The following BMPR1B variants were observed in gnomAD, a reference collection of about 807,000 sequenced individuals.
The protein encoded by BMPR1B is bone morphogenetic protein receptor type-1B.
BMPR1B carries 12 observed loss-of-function variants against 59.1 expected under a neutral mutation model. That is an observed-to-expected ratio of 0.20 (90% CI 0.13 to 0.33). The LOEUF is 0.33. Ranked by LOEUF, BMPR1B falls within the 10% of genes least tolerant of loss-of-function variation. The pLI, the probability that BMPR1B is intolerant of heterozygous loss-of-function variation, is 1.00. For synonymous variants in BMPR1B, 237 were observed against 207.3 expected (o/e 1.14, Z -1.23); for missense variants, 550 against 610.9 (o/e 0.90, Z 1.05).
chr4:95,117,300 A>T (rs981258669), intron 6 of BMPR1B, among the ~76,000 whole-genome samples: 9 of 152,194 alleles, frequency 5.9e-5, no homozygotes, highest in African/African-American at 2.2e-4. Flanking sequence ...TGTTCTTCCA[A>T]CTTTAAAGAT....
chr4:95,145,252 G>C (rs921585748), intron 10 of BMPR1B, among the ~76,000 whole-genome samples: 1 of 152,134 alleles, frequency 6.6e-6, no homozygotes, highest in African/African-American at 2.4e-5. Context: ...TTTATAATCT[G>C]ACTTCATATG....
chr4:94,802,065 T>C (rs1723429606), intron 1 of BMPR1B, among the ~76,000 whole-genome samples: 1 of 152,220 alleles, frequency 6.6e-6, no homozygotes, highest in Admixed American at 6.5e-5. Flanking sequence ...ATTTTGTTTA[T>C]TTTTAGCTGA....
rs1735266390 is a variant in BMPR1B at position 95,154,427 on chromosome 4, T to G, written c.1384-121T>G. ...AAGCTTACAGAATTTTACTTCTACA[T>G]GGTTTTAAGGGTACCTTTTAAAAAT... On this transcript the variant is annotated intron_variant, in intron 12 of 12. Coordinates refer to ENST00000515059, the MANE Select transcript of BMPR1B (RefSeq NM_001203.3). 3 of 1,377,684 alleles carry G rather than the reference T, an allele frequency of 2.2e-6. No homozygotes were observed. In the Admixed American group the frequency reaches 6.3e-5, roughly 29 times the overall value. 85.3% of individuals were successfully genotyped at this position (1,377,684 alleles called of 1,614,324 possible).
At chr4:95,096,864 CTA>C (rs573272946) in intron 3 of BMPR1B, among the ~76,000 whole-genome samples, 130 of 135,302 alleles carry the variant, frequency 9.6e-4, no homozygotes, top group African/African-American at 3.1e-3. Flanking sequence ...AAATATATAA[CTA>C]TAGTTATATA....
intron 3 of BMPR1B, among the ~76,000 whole-genome samples, chr4:95,079,603 GT>G (rs1260795641): frequency 6.6e-6 from 1 of 151,994 alleles, no homozygotes; most frequent in African/African-American, 2.4e-5. Flanking sequence ...AGAATTAACA[GT>G]TTTCTCTAGC....
intron 3 of BMPR1B, among the ~76,000 whole-genome samples, chr4:95,031,339 A>G (rs974225046): frequency 3.3e-5 from 5 of 152,182 alleles, no homozygotes; most frequent in Admixed American, 1.3e-4. Context: ...GAGTGGAATG[A>G]CATGACTGGA....
chr4:94,966,650 C>T (rs1730566783), intron 2 of BMPR1B, among the ~76,000 whole-genome samples: 1 of 152,134 alleles, frequency 6.6e-6, no homozygotes, highest in Admixed American at 6.5e-5. Flanking sequence ...GAAAATCTTC[C>T]AGTAACTGGG....
At position 95,154,962 on chromosome 4, in the gene BMPR1B, C is replaced by A; in HGVS notation, c.*289C>A. On this transcript the variant is annotated 3_prime_UTR_variant, in exon 13 of 13. Coordinates refer to ENST00000515059, the MANE Select transcript of BMPR1B (RefSeq NM_001203.3). ...AGAAAGCCCTGTATTTTGTGATTGC[C>A]TTTTTTTTTTTTTAAGATGCTTTCA... 1.1e-5 allele frequency: 3 copies of A among 283,358 alleles called. No individual in the cohort carries two copies. Among genetic ancestry groups the A allele is most frequent in the Non-Finnish European group, 6.7e-6 (1 of 149,362 alleles). The allele number at this position is 283,358 out of a possible 1,614,324, so 17.6% of individuals were successfully genotyped here. A position where few individuals can be genotyped will look rare whatever the true frequency, so the allele number is the denominator to read the frequency against.
intron 1 of BMPR1B, among the ~76,000 whole-genome samples, chr4:94,863,396 T>C (rs1393811786): frequency 1.3e-5 from 2 of 152,250 alleles, no homozygotes; most frequent in South Asian, 2.1e-4. Context: ...AGCCTGGAAA[T>C]GGTTCTTGAG....
At chr4:94,983,555 TAC>T (rs759945343) in intron 2 of BMPR1B, among the ~76,000 whole-genome samples, 93 of 152,324 alleles carry the variant, frequency 6.1e-4, no homozygotes, top group Non-Finnish European at 9.8e-4. Context: ...AGAGAGGAAG[TAC>T]ACTTAGAAAT....
chr4:94,871,668 C>CTTATTCTTTCATACTAGAG, intron 1 of BMPR1B, among the ~76,000 whole-genome samples: 1 of 152,188 alleles, frequency 6.6e-6, no homozygotes, highest in Admixed American at 6.5e-5. Flanking sequence ...ATAAGATCTT[C>CTTATTCTTTCATACTAGAG]AATATTCCAT....
chr4:94,866,634 G>C (rs1452103830), intron 1 of BMPR1B, among the ~76,000 whole-genome samples: 1 of 152,104 alleles, frequency 6.6e-6, no homozygotes, highest in Non-Finnish European at 1.5e-5. Context: ...CGCCAGGCTG[G>C]AGTGCAGTGG....
intron 1 of BMPR1B, among the ~76,000 whole-genome samples, chr4:94,762,142 A>G (rs527907840): frequency 1.3e-5 from 2 of 152,344 alleles, no homozygotes; most frequent in East Asian, 3.9e-4. Flanking sequence ...ATCCACTTAC[A>G]TGCCAATATT....
intron 3 of BMPR1B, among the ~76,000 whole-genome samples, chr4:95,007,084 T>C (rs13102404): frequency 0.44 from 67,501 of 151,850 alleles, 15,526 homozygotes; most frequent in East Asian, 0.73. Flanking sequence ...ATTCTCATGT[T>C]ATTTTATATT....
At chr4:95,014,065 T>G (rs1723404713) in intron 3 of BMPR1B, among the ~76,000 whole-genome samples, 1 of 152,208 alleles carries the variant, frequency 6.6e-6, no homozygotes, top group African/African-American at 2.4e-5. Flanking sequence ...GAGTCTGTTT[T>G]GTTTATTACT....
At chr4:94,769,553 T>G (rs565533088) in intron 1 of BMPR1B, among the ~76,000 whole-genome samples, 1 of 151,240 alleles carries the variant, frequency 6.6e-6, no homozygotes, top group South Asian at 2.1e-4. Context: ...GAGGTTGCAG[T>G]GAGCCAAGAT....
chr4:95,043,130 G>C (rs1408358783), intron 3 of BMPR1B, among the ~76,000 whole-genome samples: 1 of 130,706 alleles, frequency 7.7e-6, no homozygotes, highest in Non-Finnish European at 1.6e-5. Context: ...AGCCGAGATT[G>C]CGCCACTGCA....
intron 3 of BMPR1B, among the ~76,000 whole-genome samples, chr4:95,035,982 A>G (rs1271163785): frequency 6.6e-6 from 1 of 152,046 alleles, no homozygotes; most frequent in Non-Finnish European, 1.5e-5. Context: ...TTTTCCTTGT[A>G]GAGATCTTAC....
At chr4:94,887,157 A>G (rs909326275) in intron 2 of BMPR1B, among the ~76,000 whole-genome samples, 10 of 151,890 alleles carry the variant, frequency 6.6e-5, no homozygotes, top group African/African-American at 2.2e-4. Flanking sequence ...GGAGGACTCA[A>G]CTCTTCTCCC....
Sources: allele counts gnomAD v4.1 joint callset (sites outside exome capture counted in the v4.1 genomes callset), GRCh38; gene constraint gnomAD v4.1.1; transcripts MANE v1.5; gene names NCBI Gene and HGNC (gene_info 2026-07-23, HGNC 2026-07-21).